UNC13C: variants seen among roughly 807,000 people sequenced by gnomAD.
UNC13C encodes the protein protein unc-13 homolog C.
In UNC13C, 174 loss-of-function variants were observed where a neutral mutation model predicts 245.4. The observed-to-expected ratio is 0.71, with a 90% CI of 0.63 to 0.80. The LOEUF (loss-of-function observed/expected upper bound fraction) is 0.80, where lower values mean the gene tolerates loss of function less well. UNC13C is among the 30% of genes least tolerant of loss of function. UNC13C has a pLI of 0.00. For synonymous variants in UNC13C, 992 were observed against 895.1 expected (o/e 1.11, Z -1.93); for missense variants, 2,829 against 2,602.9 (o/e 1.09, Z -1.89).
At chr15:54,298,010 T>G in intron 12 of UNC13C, 84 bp downstream of exon 12, 1 of 999,906 alleles carries the variant, frequency 1.0e-6, no homozygotes, top group Non-Finnish European at 1.5e-6. Flanking sequence ...GGTTTAAAAA[T>G]CATTGAATTT....
At chr15:54,167,810 G>T (rs2141278387) in intron 4 of UNC13C, among the ~76,000 whole-genome samples, 1 of 152,046 alleles carries the variant, frequency 6.6e-6, no homozygotes, top group East Asian at 1.9e-4. Context: ...ATAAATTATG[G>T]ACCAAAGGTT....
At chr15:53,875,668 A>T in the UNC13C span, among the ~76,000 whole-genome samples, 1 of 152,162 alleles carries the variant, frequency 6.6e-6, no homozygotes, top group Non-Finnish European at 1.5e-5. Context: ...CCAGGTAAGA[A>T]ATTAATGCTC....
intron 4 of UNC13C, among the ~76,000 whole-genome samples, chr15:54,146,940 A>G (rs764189963): frequency 8.5e-5 from 13 of 152,178 alleles, no homozygotes; most frequent in Non-Finnish European, 1.5e-4. Flanking sequence ...AGGCTAAAAG[A>G]AAGTCATTCA....
At chr15:54,293,247 A>G (rs2037347783) in intron 10 of UNC13C, among the ~76,000 whole-genome samples, 1 of 151,970 alleles carries the variant, frequency 6.6e-6, no homozygotes, top group Admixed American at 6.6e-5. Flanking sequence ...AAGAGTGTAT[A>G]CAAAAACCAC....
At chr15:53,893,701 C>T in the UNC13C span, among the ~76,000 whole-genome samples, 7 of 151,764 alleles carry the variant, frequency 4.6e-5, no homozygotes, top group Admixed American at 3.3e-4. Context: ...TCCCTCCCCC[C>T]ACCAAGCTCA....
intron 1 of UNC13C, among the ~76,000 whole-genome samples, chr15:53,994,753 G>A (rs963481692): frequency 6.6e-6 from 1 of 152,036 alleles, no homozygotes; most frequent in Non-Finnish European, 1.5e-5. Flanking sequence ...AATTGAATGT[G>A]TTTTTTAATG....
intron 23 of UNC13C, among the ~76,000 whole-genome samples, chr15:54,509,592 T>C (rs1472510664): frequency 6.6e-6 from 1 of 152,164 alleles, no homozygotes; most frequent in East Asian, 1.9e-4. Context: ...AATAGGAAGA[T>C]ATAAATTGAC....
chr15:54,202,491 T>C (rs757599834), intron 4 of UNC13C, among the ~76,000 whole-genome samples: 2 of 151,932 alleles, frequency 1.3e-5, no homozygotes, highest in African/African-American at 2.4e-5. Context: ...TGGAACAGAA[T>C]AGAGAACCCA....
At chr15:54,510,869 T>A (rs921562925) in intron 23 of UNC13C, among the ~76,000 whole-genome samples, 1 of 152,176 alleles carries the variant, frequency 6.6e-6, no homozygotes, top group South Asian at 2.1e-4. Flanking sequence ...AAAGATTAAA[T>A]GATTCTATAA....
chr15:54,498,806 G>T (rs764024872), intron 20 of UNC13C, among the ~76,000 whole-genome samples: 1 of 152,072 alleles, frequency 6.6e-6, no homozygotes, highest in Non-Finnish European at 1.5e-5. Context: ...TATAAAGATA[G>T]CAATTCCCCC....
At chr15:54,385,233 G>A (rs544564) in intron 17 of UNC13C, among the ~76,000 whole-genome samples, 151,638 of 152,282 alleles carry the variant, frequency 1, 75,511 homozygotes, top group Middle Eastern at 1. Flanking sequence ...CACTTTCACC[G>A]CTTCTATTCA....
chr15:54,470,470 G>A (rs1165086212), intron 19 of UNC13C, among the ~76,000 whole-genome samples: 2 of 151,318 alleles, frequency 1.3e-5, no homozygotes, highest in African/African-American at 4.8e-5. Flanking sequence ...ATTCAGTCTT[G>A]GTAGGTTATA....
At chr15:54,450,293 A>C (rs1891096357) in intron 19 of UNC13C, among the ~76,000 whole-genome samples, 1 of 152,208 alleles carries the variant, frequency 6.6e-6, no homozygotes, top group Non-Finnish European at 1.5e-5. Context: ...TACTCTCTTC[A>C]AAGCTGTCAC....
Position 54,264,414 on chromosome 15 carries a change from A to G in UNC13C, c.3676+19A>G. ...ATTACAGGTAAAAATAAGTCTTCTTAAAAATTTGTATTGTAAATTGAGATT... is the reference window on the plus strand; with the variant it reads ...ATTACAGGTAAAAATAAGTCTTCTTGAAAATTTGTATTGTAAATTGAGATT... On this transcript the variant is annotated intron_variant, in intron 9 of 32. Coordinates refer to ENST00000260323, the MANE Select transcript of UNC13C (RefSeq NM_001080534.3). The G allele has an allele frequency of 6.5e-7, 1 of 1,537,408 alleles. No homozygotes were observed. Among genetic ancestry groups the G allele is most frequent in the Non-Finnish European group, 8.8e-7 (1 of 1,133,886 alleles).
chr15:53,852,224 G>A, the UNC13C span, among the ~76,000 whole-genome samples: 2 of 152,146 alleles, frequency 1.3e-5, no homozygotes, highest in African/African-American at 4.8e-5. Context: ...GGTGTGTGGG[G>A]TAAACCCCCA....
the UNC13C span, among the ~76,000 whole-genome samples, chr15:53,900,283 A>C: frequency 6.6e-6 from 1 of 152,204 alleles, no homozygotes; most frequent in Admixed American, 6.5e-5. Context: ...TGCAGACATA[A>C]GTGTTTAGGA....
intron 2 of UNC13C, among the ~76,000 whole-genome samples, chr15:54,069,188 G>A (rs77098671): frequency 0.065 from 9,822 of 152,252 alleles, 449 homozygotes; most frequent in Non-Finnish European, 0.1. Flanking sequence ...ACTAGAAGGA[G>A]TGCGTTCCTC....
In UNC13C at chr15:54,254,211, A is replaced by G. The variant is rs544467049; in HGVS notation, c.3448+3767A>G. Among the ~76,000 whole-genome samples the G allele has an allele frequency of 1.5e-4, 23 of 152,340 alleles. No individual in the cohort carries two copies. In the South Asian group the frequency reaches 2.3e-3, roughly 15 times the overall value. The stretch of plus-strand genomic sequence containing the variant: ...ACATTTTGAAATCACATTTTAAGAC[A>G]GTCAAATATTTGCATATATTGAGCA... On this transcript the variant is annotated intron_variant, in intron 8 of 32. Coordinates refer to ENST00000260323, the MANE Select transcript of UNC13C (RefSeq NM_001080534.3).
At chr15:54,555,321 A>G in intron 28 of UNC13C, 111 bp from the exon 29 acceptor site, 1 of 759,754 alleles carries the variant, frequency 1.3e-6, no homozygotes, top group Non-Finnish European at 2.2e-6. Context: ...GGTGCAGAAG[A>G]TATTTCAAAT....
Sources: allele counts gnomAD v4.1 joint callset (sites outside exome capture counted in the v4.1 genomes callset), GRCh38; gene constraint gnomAD v4.1.1; transcripts MANE v1.5; gene names NCBI Gene and HGNC (gene_info 2026-07-23, HGNC 2026-07-21).